The following CAST variants were observed in gnomAD, a reference collection of about 807,000 sequenced individuals.
CAST encodes calpastatin.
A neutral mutation model predicts 119.6 loss-of-function variants in CAST; 76 were observed. The observed-to-expected ratio is 0.64, with a 90% CI of 0.53 to 0.77. The LOEUF (loss-of-function observed/expected upper bound fraction) is 0.77, where lower values mean the gene tolerates loss of function less well. Ranked by LOEUF, CAST falls within the 30% of genes least tolerant of loss-of-function variation. The pLI, the probability that CAST is intolerant of heterozygous loss-of-function variation, is 0.00. For synonymous variants in CAST, 319 were observed against 331.6 expected (o/e 0.96, Z 0.41); for missense variants, 953 against 946.5 (o/e 1.01, Z -0.09).
chr5:95,980,100 A>AGAGT, the CAST span, among the ~76,000 whole-genome samples: 1 of 152,216 alleles, frequency 6.6e-6, no homozygotes, highest in Non-Finnish European at 1.5e-5. Context: ...CCTGGGCAAT[A>AGAGT]GAGTGAGACT....
chr5:96,092,667 T>A, the CAST span, among the ~76,000 whole-genome samples: 1 of 152,328 alleles, frequency 6.6e-6, no homozygotes, highest in Non-Finnish European at 1.5e-5. Context: ...TAAAGGGGAA[T>A]AATTTGAGGC....
intron 1 of CAST, among the ~76,000 whole-genome samples, chr5:96,672,245 C>T (rs1037611292): frequency 6.6e-6 from 1 of 152,114 alleles, no homozygotes; most frequent in East Asian, 1.9e-4. Flanking sequence ...CTCTCTCTCT[C>T]TCTTTCTGTG....
the CAST span, among the ~76,000 whole-genome samples, chr5:96,089,875 T>C: frequency 9.2e-5 from 14 of 152,238 alleles, no homozygotes; most frequent in African/African-American, 3.4e-4. Flanking sequence ...GTTGATTTTT[T>C]ATCTTCTCAT....
the CAST span, among the ~76,000 whole-genome samples, chr5:96,355,417 T>C: frequency 6.6e-6 from 1 of 152,224 alleles, no homozygotes; most frequent in African/African-American, 2.4e-5. Flanking sequence ...ATTTTCTTTA[T>C]CCAGTCTATC....
chr5:96,261,777 GTTAA>G, the CAST span, among the ~76,000 whole-genome samples: 1 of 152,136 alleles, frequency 6.6e-6, no homozygotes, highest in African/African-American at 2.4e-5. Flanking sequence ...AATACTTTTA[GTTAA>G]TTTAAATTTA....
chr5:96,513,952 T>C, the CAST span, among the ~76,000 whole-genome samples: 1 of 152,166 alleles, frequency 6.6e-6, no homozygotes, highest in Non-Finnish European at 1.5e-5. Context: ...TGCCATTCCT[T>C]GGTTTGCAGC....
At chr5:95,965,669 C>T in the CAST span, among the ~76,000 whole-genome samples, 1 of 152,210 alleles carries the variant, frequency 6.6e-6, no homozygotes, top group Non-Finnish European at 1.5e-5. Flanking sequence ...TTGACCCAAT[C>T]ATTACACTGC....
At chr5:96,488,290 C>T in the CAST span, among the ~76,000 whole-genome samples, 8 of 152,070 alleles carry the variant, frequency 5.3e-5, no homozygotes, top group Admixed American at 4.6e-4. Flanking sequence ...ACAAATAGAA[C>T]TCACATATTT....
intron 1 of CAST, among the ~76,000 whole-genome samples, chr5:96,541,129 A>G (rs1745904872): frequency 6.6e-6 from 1 of 152,136 alleles, no homozygotes; most frequent in African/African-American, 2.4e-5. Flanking sequence ...CTTTTGTATG[A>G]GAAACTTGTG....
the CAST span, among the ~76,000 whole-genome samples, chr5:96,280,048 G>T: frequency 1.3e-5 from 2 of 152,220 alleles, no homozygotes; most frequent in African/African-American, 4.8e-5. Context: ...AACCATTTCC[G>T]TTTGCTTGAA....
At chr5:96,498,199 C>T in the CAST span, among the ~76,000 whole-genome samples, 1 of 152,254 alleles carries the variant, frequency 6.6e-6, no homozygotes, top group East Asian at 1.9e-4. Context: ...TCTGAGGGCT[C>T]TGTTCTGTTC....
the CAST span, among the ~76,000 whole-genome samples, chr5:96,214,359 A>G: frequency 6.6e-6 from 1 of 152,206 alleles, no homozygotes; most frequent in African/African-American, 2.4e-5. Context: ...AAGACCAAGA[A>G]AAGAAAAGGC....
At chr5:96,393,172 A>G in the CAST span, 3 of 1,614,174 alleles carry the variant, frequency 1.9e-6, no homozygotes, top group Non-Finnish European at 2.5e-6. Flanking sequence ...AGAAGTTTTC[A>G]TAAGGGATGT....
chr5:96,533,229 A>G (rs1007344860), intron 1 of CAST, among the ~76,000 whole-genome samples: 1 of 152,152 alleles, frequency 6.6e-6, no homozygotes, highest in East Asian at 1.9e-4. Context: ...AGAAAAATTT[A>G]CTAACATATA....
At chr5:96,491,366 C>CT in the CAST span, among the ~76,000 whole-genome samples, 1 of 150,636 alleles carries the variant, frequency 6.6e-6, no homozygotes. Flanking sequence ...TGGCGGGCGC[C>CT]TGTAGTCCCA....
At chr5:95,990,061 A>T in the CAST span, among the ~76,000 whole-genome samples, 1 of 152,168 alleles carries the variant, frequency 6.6e-6, no homozygotes, top group African/African-American at 2.4e-5. Flanking sequence ...CACAACTCTA[A>T]GATTCCTTCC....
chr5:96,495,556 T>A, the CAST span, among the ~76,000 whole-genome samples: 1 of 152,210 alleles, frequency 6.6e-6, no homozygotes, highest in Admixed American at 6.5e-5. Flanking sequence ...CTGAGAATGA[T>A]GGTTTCCAGC....
chr5:96,102,632 G>T, the CAST span, among the ~76,000 whole-genome samples: 3 of 151,962 alleles, frequency 2.0e-5, no homozygotes, highest in Non-Finnish European at 2.9e-5. Flanking sequence ...CTCTGCCTCC[G>T]GCCTCTATCA....
In CAST at chr5:96,774,371, A is replaced by C. The variant is rs1006803110; in HGVS notation, c.*1755A>C. The C allele has an allele frequency of 1.2e-5, 4 of 323,452 alleles. No homozygotes were observed. Among genetic ancestry groups the C allele is most frequent in the Non-Finnish European group, 1.8e-5 (4 of 223,188 alleles). 20.0% of individuals were successfully genotyped at this position (323,452 alleles called of 1,614,324 possible). ...TATGCCTTCTTTTTTAATTAGAAAT[A>C]TCTTCGAGACTTGGGTGTTTGTTAA... On this transcript the variant is annotated 3_prime_UTR_variant, in exon 32 of 32. Transcript: ENST00000675179.
Sources: allele counts gnomAD v4.1 joint callset (sites outside exome capture counted in the v4.1 genomes callset), GRCh38; gene constraint gnomAD v4.1.1; transcripts MANE v1.5; gene names NCBI Gene and HGNC (gene_info 2026-07-23, HGNC 2026-07-21).